TACR3: variants seen among roughly 807,000 people sequenced by gnomAD.
TACR3 encodes the protein tachykinin receptor 3.
In TACR3, 34 loss-of-function variants were observed where a neutral mutation model predicts 35.0. That is an observed-to-expected ratio of 0.97 (90% confidence interval 0.74 to 1.30). The LOEUF (loss-of-function observed/expected upper bound fraction) is 1.30. Among genes scored for constraint, TACR3 ranks in the 50% most tolerant of loss-of-function variants. The pLI, the probability that TACR3 is intolerant of heterozygous loss-of-function variation, is 0.00. For synonymous variants in TACR3, 233 were observed against 221.1 expected, an observed-to-expected ratio of 1.05 and a Z score of -0.48; for missense variants, 558 against 591.7, an observed-to-expected ratio of 0.94 and a Z score of 0.59.
At chr4:103,708,245 AC>A (rs1220430034) in intron 1 of TACR3, among the ~76,000 whole-genome samples, 1 of 152,066 alleles carries the variant, frequency 6.6e-6, no homozygotes, top group East Asian at 1.9e-4. Context: ...AATGGGAGGT[AC>A]CCCTCCAGTA....
chr4:103,707,319 CT>C (rs1488539373), intron 1 of TACR3, among the ~76,000 whole-genome samples: 1 of 152,070 alleles, frequency 6.6e-6, no homozygotes, highest in Non-Finnish European at 1.5e-5. Flanking sequence ...TGAAGTTTAA[CT>C]TTTATAAGAA....
At chr4:103,595,425 T>G (rs1417850507) in intron 3 of TACR3, among the ~76,000 whole-genome samples, 1 of 152,146 alleles carries the variant, frequency 6.6e-6, no homozygotes, top group Non-Finnish European at 1.5e-5. Context: ...ACATTGCCTA[T>G]TTTTAGCAGT....
intron 1 of TACR3, among the ~76,000 whole-genome samples, chr4:103,680,561 C>G (rs1722032725): frequency 6.7e-6 from 1 of 148,724 alleles, no homozygotes; most frequent in South Asian, 2.1e-4. Flanking sequence ...ATATATATCA[C>G]TTAATATATA....
At chr4:103,658,522 C>G in intron 1 of TACR3, 119 bp from the exon 2 acceptor site, 2 of 923,188 alleles carry the variant, frequency 2.2e-6, no homozygotes, top group South Asian at 1.5e-5. Context: ...TTTGGGAAAC[C>G]AGTTGATAAG....
intron 1 of TACR3, among the ~76,000 whole-genome samples, chr4:103,680,824 A>G (rs1578254946): frequency 6.6e-6 from 1 of 151,762 alleles, no homozygotes; most frequent in East Asian, 1.9e-4. Context: ...TTCTCACTTA[A>G]TAGGGTAATA....
intron 1 of TACR3, among the ~76,000 whole-genome samples, chr4:103,691,391 A>G (rs1337037663): frequency 1.3e-5 from 2 of 152,184 alleles, no homozygotes; most frequent in Admixed American, 1.3e-4. Context: ...ACATTTTCCC[A>G]AAAAGATCAG....
intron 3 of TACR3, among the ~76,000 whole-genome samples, chr4:103,634,793 A>G (rs1020154208): frequency 2.6e-5 from 4 of 152,070 alleles, no homozygotes; most frequent in Non-Finnish European, 5.9e-5. Context: ...TAATAGAGTT[A>G]CCCAACTCTG....
intron 3 of TACR3, among the ~76,000 whole-genome samples, chr4:103,616,390 C>T (rs769317638): frequency 4.0e-5 from 6 of 151,512 alleles, no homozygotes; most frequent in Non-Finnish European, 8.8e-5. Context: ...TAGTATTGTA[C>T]AATGTAAAGA....
chr4:103,650,666 A>T (rs1486840948), intron 3 of TACR3, among the ~76,000 whole-genome samples: 1 of 25,770 alleles, frequency 3.9e-5, no homozygotes, highest in Non-Finnish European at 5.4e-5. Flanking sequence ...ATATATATAA[A>T]TAAATATATA....
chr4:103,610,629 T>C (rs1724492451), intron 3 of TACR3, among the ~76,000 whole-genome samples: 1 of 152,156 alleles, frequency 6.6e-6, no homozygotes, highest in Admixed American at 6.6e-5. Flanking sequence ...GCTTTTTAGT[T>C]TGTCATCATC....
chr4:103,615,893 T>TA (rs1434984733), intron 3 of TACR3, among the ~76,000 whole-genome samples: 2 of 152,208 alleles, frequency 1.3e-5, no homozygotes, highest in African/African-American at 4.8e-5. Flanking sequence ...TCATCTGAGA[T>TA]AAAGGAAAAC....
At position 103,684,750 on chromosome 4, in the gene TACR3, C is replaced by T. The variant is rs538256710; in HGVS notation, c.549-26347G>A. On this transcript the variant is annotated intron_variant, in intron 1 of 4. Coordinates refer to ENST00000304883, the MANE Select transcript of TACR3 (RefSeq NM_001059.3). The stretch of plus-strand genomic sequence containing the variant: ...ATGTGGTGGCTCATGCATCTGTAAT[C>T]CCAGCACTTTGGGGGGCTGAGGTGG... Among the ~76,000 whole-genome samples the T allele has an allele frequency of 5.3e-5, 8 of 152,108 alleles. No individual in the cohort carries two copies. In the South Asian group the frequency reaches 1.7e-3, roughly 32 times the overall value.
rs191164537 is a variant in TACR3 at position 103,603,248 on chromosome 4, C to T, written c.889-11565G>A. ...CCATTTTTTAAGCCCATTGGAAAAG[C>T]GAAATATTAGGGTGGGAGTGACCCG... On this transcript the variant is annotated intron_variant, in intron 3 of 4. Transcript: ENST00000304883. 1.4e-4 allele frequency among the ~76,000 whole-genome samples: 22 copies of T among 152,312 alleles called. No homozygotes were observed. In the East Asian group the frequency reaches 1.7e-3, roughly 12 times the overall value.
At chr4:103,690,581 T>C (rs1722381749) in intron 1 of TACR3, among the ~76,000 whole-genome samples, 1 of 152,018 alleles carries the variant, frequency 6.6e-6, no homozygotes, top group Admixed American at 6.6e-5. Context: ...AATAGAAGAA[T>C]TAGAAAATCA....
intron 2 of TACR3, among the ~76,000 whole-genome samples, chr4:103,657,475 G>A (rs907934354): frequency 1.3e-5 from 2 of 151,890 alleles, no homozygotes; most frequent in Non-Finnish European, 2.9e-5. Context: ...TGAACTTTGG[G>A]TAGAGCAAAG....
chr4:103,671,629 G>T (rs984607182), intron 1 of TACR3, among the ~76,000 whole-genome samples: 1 of 151,858 alleles, frequency 6.6e-6, no homozygotes, highest in Non-Finnish European at 1.5e-5. Context: ...GCTATCAATT[G>T]TAATATCTAA....
chr4:103,703,276 C>T (rs1722703803), intron 1 of TACR3, among the ~76,000 whole-genome samples: 1 of 152,068 alleles, frequency 6.6e-6, no homozygotes. Context: ...TGTAAGTGTA[C>T]AGTTCAATGG....
At chr4:103,700,375 A>C (rs1284242673) in intron 1 of TACR3, among the ~76,000 whole-genome samples, 1 of 152,196 alleles carries the variant, frequency 6.6e-6, no homozygotes, top group Non-Finnish European at 1.5e-5. Flanking sequence ...TGTGTAACAG[A>C]TAATTTTAAA....
chr4:103,632,641 A>G (rs539450053), intron 3 of TACR3, among the ~76,000 whole-genome samples: 4 of 151,088 alleles, frequency 2.6e-5, no homozygotes, highest in Admixed American at 2.6e-4. Context: ...CGTTCTGCAC[A>G]TGTATCCTGT....
Sources: gnomAD v4.1 joint callset for allele counts (sites outside exome capture counted in the v4.1 genomes callset) on GRCh38, gnomAD v4.1.1 for gene constraint, MANE v1.5 for transcripts, NCBI Gene and HGNC (gene_info 2026-07-23, HGNC 2026-07-21) for gene names.